NRG1: variants seen among roughly 807,000 people sequenced by gnomAD.
NRG1 encodes neuregulin 1.
Under a neutral mutation model 63.8 loss-of-function variants are expected in NRG1, and 18 were observed. The observed-to-expected ratio is 0.28, with a 90% CI of 0.19 to 0.42. The LOEUF (loss-of-function observed/expected upper bound fraction) is 0.42. Among genes scored for constraint, NRG1 ranks in the 10% least tolerant of loss-of-function variants. NRG1 has a pLI of 1.00. For synonymous variants in NRG1, 302 were observed against 301.3 expected, an observed-to-expected ratio of 1.00 and a Z score of -0.02; for missense variants, 762 against 814.7, an observed-to-expected ratio of 0.94 and a Z score of 0.79.
chr8:32,687,812 T>G (rs183865976), intron 5 of NRG1, among the ~76,000 whole-genome samples: 256 of 152,322 alleles, frequency 1.7e-3, no homozygotes, highest in African/African-American at 5.9e-3. Flanking sequence ...CTGAACATTT[T>G]TATTAAAATG....
chr8:32,756,105 G>C (rs1829630487), intron 8 of NRG1, among the ~76,000 whole-genome samples: 1 of 152,152 alleles, frequency 6.6e-6, no homozygotes, highest in African/African-American at 2.4e-5. Context: ...AAGATGGATT[G>C]ATTAGGAAAT....
intron 1 of NRG1, among the ~76,000 whole-genome samples, chr8:31,644,641 G>T (rs956186305): frequency 5.3e-5 from 8 of 152,196 alleles, no homozygotes; most frequent in South Asian, 4.2e-4. Context: ...TGATTGGGCG[G>T]GTTATTGCCC....
chr8:32,534,845 G>A (rs536078361), intron 1 of NRG1, among the ~76,000 whole-genome samples: 1 of 152,216 alleles, frequency 6.6e-6, no homozygotes, highest in East Asian at 1.9e-4. Context: ...GCTGTGGGCT[G>A]AGTTAAAGCA....
At chr8:32,025,738 G>A (rs966576648) in intron 1 of NRG1, among the ~76,000 whole-genome samples, 1 of 151,944 alleles carries the variant, frequency 6.6e-6, no homozygotes, top group Non-Finnish European at 1.5e-5. Flanking sequence ...ACGAGGTCAG[G>A]AGATCGAGAC....
chr8:32,128,690 T>G (rs1361379183), intron 1 of NRG1, among the ~76,000 whole-genome samples: 1 of 151,930 alleles, frequency 6.6e-6, no homozygotes, highest in Admixed American at 6.6e-5. Flanking sequence ...CCAGCGTGTT[T>G]TTTCTCAATG....
At chr8:32,212,601 A>G (rs1487097490) in intron 1 of NRG1, among the ~76,000 whole-genome samples, 3 of 152,158 alleles carry the variant, frequency 2.0e-5, no homozygotes, top group Non-Finnish European at 4.4e-5. Flanking sequence ...TATTATATAA[A>G]CCAGATTTTA....
At chr8:32,463,874 CTTTTTTTTTTTTTTTTTTTTTTT>C (rs756489856) in intron 1 of NRG1, among the ~76,000 whole-genome samples, 14 of 42,338 alleles carry the variant, frequency 3.3e-4, no homozygotes, top group East Asian at 1.2e-3. Context: ...ACTTAGAATT[CTTTTTTTTTTTTTTTTTTTTTTT>C]TTTTTTTTTT....
chr8:31,640,297 G>A lies in NRG1; in HGVS notation c.37+866G>A. 8.8e-7 allele frequency: 1 copy of A among 1,133,462 alleles called. No homozygotes were observed. Among genetic ancestry groups the A allele is most frequent in the Non-Finnish European group, 1.1e-6 (1 of 925,376 alleles). 70.2% of individuals were successfully genotyped at this position (1,133,462 alleles called of 1,614,324 possible). ...ACTCGACAGGAAGGCGGCGGCGGCG[G>A]CGGGCGAGGCAGGGGCGTGGGGCGG... is the stretch of plus-strand genomic sequence containing the variant. On this transcript the variant is annotated intron_variant, in intron 1 of 10. Transcript: ENST00000519301. The surrounding 1 kb of genome is among the most constrained non-coding windows in gnomAD (Gnocchi z 6.3).
chr8:31,857,449 C>G (rs1290318003), intron 1 of NRG1, among the ~76,000 whole-genome samples: 1 of 152,254 alleles, frequency 6.6e-6, no homozygotes, highest in Non-Finnish European at 1.5e-5. Context: ...CCGAGTGAGG[C>G]AATGCCTCGC....
chr8:31,733,593 G>A (rs1225119350), intron 1 of NRG1, among the ~76,000 whole-genome samples: 1 of 152,128 alleles, frequency 6.6e-6, no homozygotes, highest in Non-Finnish European at 1.5e-5. Context: ...AGGAGTTGCA[G>A]CTCTTGTTCT....
chr8:32,677,455 G>A (rs1025517774), intron 5 of NRG1, among the ~76,000 whole-genome samples: 1 of 152,048 alleles, frequency 6.6e-6, no homozygotes, highest in African/African-American at 2.4e-5. Flanking sequence ...TCAGGAGTTT[G>A]AGACCAGCCT....
rs189980489 is a variant in NRG1, at chr8:31,980,378, T to C, written c.37+340947T>C. Among the ~76,000 whole-genome samples the C allele has an allele frequency of 1.3e-3, 203 of 152,218 alleles. 3 individuals carry two copies. Among genetic ancestry groups the C allele is most frequent in the Middle Eastern group, 3.4e-3 (1 of 294 alleles). On this transcript the variant is annotated intron_variant, in intron 1 of 10. Coordinates refer to the NRG1 transcript ENST00000519301. ...GTAATTTTATTTCCTCTTTCTATCTTTACTTTTGGGATCTAAGCTTCCTTG... is the reference window on the plus strand; with the variant it reads ...GTAATTTTATTTCCTCTTTCTATCTCTACTTTTGGGATCTAAGCTTCCTTG...
At chr8:31,809,755 T>C (rs1471641618) in intron 1 of NRG1, among the ~76,000 whole-genome samples, 2 of 149,320 alleles carry the variant, frequency 1.3e-5, no homozygotes, top group Admixed American at 1.3e-4. Flanking sequence ...TTTTTTTTTT[T>C]TTTTTTTGAG....
chr8:31,896,774 C>T (rs1031679767), intron 1 of NRG1, among the ~76,000 whole-genome samples: 12 of 152,218 alleles, frequency 7.9e-5, no homozygotes, highest in Admixed American at 7.9e-4. Context: ...ATCTACAGAT[C>T]CTTTTCCAAC....
intron 1 of NRG1, among the ~76,000 whole-genome samples, chr8:31,931,711 A>G (rs1216584572): frequency 6.6e-6 from 1 of 152,158 alleles, no homozygotes; most frequent in South Asian, 2.1e-4. Context: ...AGGATTTCTA[A>G]TAGCTTATCC....
rs73234118 is a variant in NRG1 at position 32,521,792 on chromosome 8, A to C, written c.38-74036A>C. Among the ~76,000 whole-genome samples, 1,110 of 152,296 alleles carry C rather than the reference A, an allele frequency of 7.3e-3. 3 individuals carry two copies. The highest frequency in any genetic ancestry group is 9.6e-3 in the Non-Finnish European group (656 of 68,022). Reference sequence around the variant, plus strand: ...CTTTTTGAAGAAGATACAGCTTGAAATGGCTTCTTTTACTCCCTCAGTTAA... The same window carrying C: ...CTTTTTGAAGAAGATACAGCTTGAACTGGCTTCTTTTACTCCCTCAGTTAA... On this transcript the variant is annotated intron_variant, in intron 1 of 10. Coordinates refer to the NRG1 transcript ENST00000519301.
chr8:31,884,697 G>A (rs1830590867), intron 1 of NRG1, among the ~76,000 whole-genome samples: 1 of 152,088 alleles, frequency 6.6e-6, no homozygotes, highest in African/African-American at 2.4e-5. Context: ...CCAGTTTATA[G>A]CATAACAGTT....
At chr8:31,984,362 T>G (rs1809680905) in intron 1 of NRG1, among the ~76,000 whole-genome samples, 1 of 151,976 alleles carries the variant, frequency 6.6e-6, no homozygotes, top group Non-Finnish European at 1.5e-5. Flanking sequence ...TCCATCTTAA[T>G]GATTGTGGAT....
At chr8:32,755,503 G>A (rs936728414) in intron 8 of NRG1, among the ~76,000 whole-genome samples, 7 of 152,008 alleles carry the variant, frequency 4.6e-5, no homozygotes, top group African/African-American at 1.7e-4. Context: ...TCCTGGAGTC[G>A]ACCTGGTGAG....
Sources: gnomAD v4.1 joint callset for allele counts (sites outside exome capture counted in the v4.1 genomes callset) on GRCh38, gnomAD v4.1.1 for gene constraint, Gnocchi (gnomAD v3.1) non-coding constraint, MANE v1.5 for transcripts, NCBI Gene and HGNC (gene_info 2026-07-23, HGNC 2026-07-21) for gene names.